The following LARP7 variants were observed in gnomAD, a reference collection of about 807,000 sequenced individuals.
LARP7 encodes the protein La ribonucleoprotein 7, transcriptional regulator, also known as la-related protein 7.
In LARP7, 52 loss-of-function variants were observed where a neutral mutation model predicts 69.3. The ratio of observed to expected loss-of-function variants is 0.75; its 90% CI spans 0.60 to 0.95. The LOEUF is 0.95. LARP7 is among the 40% of genes least tolerant of loss of function. The pLI is 0.00. For synonymous variants in LARP7, 254 were observed against 215.9 expected, an observed-to-expected ratio of 1.18 and a Z score of -1.55; for missense variants, 733 against 673.0, an observed-to-expected ratio of 1.09 and a Z score of -0.99.
chr4:112,651,947 A>T (rs767136905), intron 10 of LARP7, among the ~76,000 whole-genome samples: 6 of 151,720 alleles, frequency 4.0e-5, no homozygotes, highest in Non-Finnish European at 8.8e-5. Flanking sequence ...ATTTGGTACT[A>T]ATTAACTAGG....
In LARP7 at chr4:112,647,244, A is replaced by AAT. The variant is rs774429874; in HGVS notation, c.693_694insTA (p.Asp232Ter). The AAT allele has an allele frequency of 1.6e-5, 25 of 1,602,712 alleles. No homozygotes were observed. The highest frequency in any genetic ancestry group is 7.1e-5 in the Admixed American group (4 of 56,534). ...AAGAAGAAAGGCCGAATGAAAAAGG[A>AAT]AGACAATATCCAAGCCAAAGAAGAA... On this transcript the variant is annotated frameshift_variant, in exon 7 of 13. Transcript: ENST00000344442. LOFTEE classifies it high-confidence loss of function.
chr4:112,657,476 C>G lies in LARP7; in HGVS notation c.*149C>G. ...CTCAACTTGTAAATAAGACTTTTTT[C>G]TAGAGACAAATATGATGTATACCAC... On this transcript the variant is annotated 3_prime_UTR_variant, in exon 13 of 13. Transcript: ENST00000344442. 1 of 402,154 alleles carries G rather than the reference C, an allele frequency of 2.5e-6. No individual in the cohort carries two copies. Among genetic ancestry groups the G allele is most frequent in the Non-Finnish European group, 4.5e-6 (1 of 222,800 alleles). 24.9% of individuals were successfully genotyped at this position (402,154 alleles called of 1,614,324 possible). A position where few individuals can be genotyped will look rare whatever the true frequency, so the allele number is the denominator to read the frequency against.
At chr4:112,649,477 A>G in intron 8 of LARP7, 58 bp from the exon 9 acceptor site, 1 of 1,378,012 alleles carries the variant, frequency 7.3e-7, no homozygotes, top group African/African-American at 1.5e-5. Context: ...ATATTTAGAT[A>G]TTTCCCTATT....
chr4:112,653,015 G>A (rs1462241879), intron 10 of LARP7, 62 bp from the exon 11 acceptor site: 16 of 1,342,646 alleles, frequency 1.2e-5, no homozygotes, highest in Non-Finnish European at 1.6e-5. Flanking sequence ...CATTGGAATA[G>A]TTTTAGAATT....
intron 1 of LARP7, chr4:112,644,367 TACTG>T (rs1560922263): frequency 1.9e-6 from 1 of 524,612 alleles, no homozygotes; most frequent in Non-Finnish European, 2.9e-6. Flanking sequence ...ACTTTTCACT[TACTG>T]ACTTAAAAGT....
At chr4:112,650,949 G>T (rs977571097) in intron 10 of LARP7, among the ~76,000 whole-genome samples, 1 of 151,876 alleles carries the variant, frequency 6.6e-6, no homozygotes, top group African/African-American at 2.4e-5. Context: ...AATTTTTCAC[G>T]CATGTGCCAA....
intron 12 of LARP7, 66 bp from the exon 13 acceptor site, chr4:112,657,181 T>C (rs2048989652): frequency 1.4e-6 from 1 of 721,092 alleles, no homozygotes; most frequent in Non-Finnish European, 2.2e-6. Context: ...TGTGTGTGTG[T>C]GTGTGTGTGT....
chr4:112,637,962 A>G (rs1296144205), intron 1 of LARP7: 3 of 152,238 alleles, frequency 2.0e-5, no homozygotes, highest in Non-Finnish European at 2.9e-5. Flanking sequence ...ACTTAATTAT[A>G]TGGATTAGCT....
intron 8 of LARP7, 147 bp from the exon 9 acceptor site, chr4:112,649,388 C>A: frequency 1.7e-6 from 1 of 583,424 alleles, no homozygotes; most frequent in African/African-American, 1.9e-5. Flanking sequence ...GTCTTTAGAA[C>A]CTAGGAAATA....
At chr4:112,650,619 C>T in intron 10 of LARP7, 37 bp downstream of exon 10, 2 of 1,573,522 alleles carry the variant, frequency 1.3e-6, no homozygotes, top group Non-Finnish European at 1.7e-6. Context: ...TTGTTCCTTT[C>T]TTCTCTTATT....
intron 8 of LARP7, among the ~76,000 whole-genome samples, chr4:112,648,944 A>G (rs191005741): frequency 1.3e-5 from 2 of 151,354 alleles, no homozygotes; most frequent in East Asian, 1.9e-4. Flanking sequence ...AAAGAAAAAG[A>G]AAAAGAAAAT....
Position 112,647,839 on chromosome 4 carries a change from GTC to G in LARP7, c.1142+7_1142+8del, listed in dbSNP as rs756465661. 8.0e-4 allele frequency: 1,264 copies of G among 1,573,220 alleles called. 5 individuals are homozygous for G. Among genetic ancestry groups the G allele is most frequent in the South Asian group, 2.4e-3 (215 of 90,118 alleles). ...ACCATTAAGAGTGCTATCAAAGTAA[GTC>G]TGTGGTTTAAATTCTGTCATTGGCT... is the stretch of plus-strand genomic sequence containing the variant. On this transcript the variant is annotated splice_donor_region_variant and intron_variant, in intron 8 of 12. Transcript: ENST00000344442.
At chr4:112,649,836 G>T (rs1426541603) in intron 9 of LARP7, 150 bp downstream of exon 9, 6 of 542,690 alleles carry the variant, frequency 1.1e-5, no homozygotes, top group Non-Finnish European at 1.9e-5. Flanking sequence ...AAGTTATCCA[G>T]ATGTGTTACT....
intron 1 of LARP7, among the ~76,000 whole-genome samples, chr4:112,643,088 GGCA>G (rs1238001448): frequency 6.6e-6 from 1 of 152,208 alleles, no homozygotes; most frequent in Non-Finnish European, 1.5e-5. Context: ...GTGACTGTAT[GGCA>G]GGGACTGACA....
At chr4:112,647,987 T>C (rs1205259195) in intron 8 of LARP7, 153 bp downstream of exon 8, 1 of 722,228 alleles carries the variant, frequency 1.4e-6, no homozygotes, top group Admixed American at 1.8e-5. Context: ...ACGCAATTGC[T>C]GATTAGGTAG....
At chr4:112,657,014 G>A (rs928377707) in intron 12 of LARP7, among the ~76,000 whole-genome samples, 3 of 151,966 alleles carry the variant, frequency 2.0e-5, no homozygotes, top group Non-Finnish European at 2.9e-5. Context: ...ATTTATGTAA[G>A]GGTGTAAGAA....
intron 12 of LARP7, among the ~76,000 whole-genome samples, chr4:112,656,330 G>A (rs1337104767): frequency 1.3e-5 from 2 of 152,148 alleles, no homozygotes. Context: ...CCTAGGAAGT[G>A]GAGGTTGCAG....
chr4:112,648,304 A>G, intron 8 of LARP7: 1 of 526,154 alleles, frequency 1.9e-6, no homozygotes. Context: ...CAAGCTTAGT[A>G]ACCTTAAAAC....
intron 10 of LARP7, among the ~76,000 whole-genome samples, chr4:112,652,702 T>C (rs75146726): frequency 4.4e-5 from 5 of 113,758 alleles, no homozygotes; most frequent in Non-Finnish European, 7.9e-5. Flanking sequence ...CCCTTAATCC[T>C]TTTTTTTTTT....
Sources: gnomAD v4.1 joint callset for allele counts (sites outside exome capture counted in the v4.1 genomes callset) on GRCh38, gnomAD v4.1.1 for gene constraint, MANE v1.5 for transcripts, NCBI Gene and HGNC (gene_info 2026-07-23, HGNC 2026-07-21) for gene names.